GSE1: variants seen among roughly 807,000 people sequenced by gnomAD.
The protein encoded by GSE1 is Gse1 coiled-coil protein.
GSE1 carries 32 observed loss-of-function variants against 112.6 expected under a neutral mutation model. The ratio of observed to expected loss-of-function variants is 0.28; its 90% CI spans 0.21 to 0.38. The LOEUF (loss-of-function observed/expected upper bound fraction) is 0.38. Among genes scored for constraint, GSE1 ranks in the 10% least tolerant of loss-of-function variants. The pLI, the probability that GSE1 is intolerant of heterozygous loss-of-function variation, is 1.00. For missense variants in GSE1, 2,348 were observed against 1,699.2 expected (o/e 1.38, Z -6.71); for synonymous variants, 1,115 against 735.6 (o/e 1.52, Z -8.35).
At chr16:85,601,572 G>A (rs969505478) in intron 1 of GSE1, among the ~76,000 whole-genome samples, 6 of 152,176 alleles carry the variant, frequency 3.9e-5, no homozygotes, top group Non-Finnish European at 7.4e-5. Flanking sequence ...CTTCAGCGCG[G>A]GGCCGGCAGA....
At chr16:85,182,714 T>C (rs529491310) in intron 1 of GSE1, among the ~76,000 whole-genome samples, 15 of 152,166 alleles carry the variant, frequency 9.9e-5, no homozygotes, top group African/African-American at 3.4e-4. Flanking sequence ...GCAGTGCAGG[T>C]CTTCAGGGAG....
intron 1 of GSE1, among the ~76,000 whole-genome samples, chr16:85,302,299 GAGATCAGCCACGAT>G (rs1202700267): frequency 6.6e-6 from 1 of 152,186 alleles, no homozygotes; most frequent in African/African-American, 2.4e-5. Context: ...CATCCTGACA[GAGATCAGCCACGAT>G]TTATCCCACC....
At chr16:85,192,432 T>TA (rs1200146829) in intron 1 of GSE1, among the ~76,000 whole-genome samples, 6 of 152,230 alleles carry the variant, frequency 3.9e-5, no homozygotes, top group Non-Finnish European at 7.3e-5. Flanking sequence ...CAAGCATTGT[T>TA]ATATGGCCTC....
intron 1 of GSE1, among the ~76,000 whole-genome samples, chr16:85,246,786 C>T (rs1005310202): frequency 2.6e-5 from 4 of 152,020 alleles, no homozygotes; most frequent in Non-Finnish European, 5.9e-5. Flanking sequence ...GGGGGAGCCT[C>T]CCCCCTGGAT....
chr16:85,331,701 A>ATTTT (rs1567693513), intron 1 of GSE1, among the ~76,000 whole-genome samples: 1 of 74,126 alleles, frequency 1.3e-5, no homozygotes, highest in Non-Finnish European at 2.6e-5. Context: ...ATATATATAT[A>ATTTT]TATATATTTT....
Position 85,655,790 on chromosome 16 carries a change from T to A in GSE1, c.862T>A (p.Ser288Thr). 17 of 1,521,722 alleles carry A rather than the reference T, an allele frequency of 1.1e-5. No homozygotes were observed. The highest frequency in any genetic ancestry group is 2.2e-5 in the South Asian group (2 of 89,226). The allele number at this position is 1,521,722 out of a possible 1,614,324, so 94.3% of individuals were successfully genotyped here. A position where few individuals can be genotyped will look rare whatever the true frequency, so the allele number is the denominator to read the frequency against. Reference protein sequence around the residue: ...SPFYPIPTPGSLPPLHPSAMH... With the variant: ...SPFYPIPTPGTLPPLHPSAMH... ...GTTCTACCCCATCCCCACCCCCGGC[T>A]CCCTGCCCCCACTGCACCCATCAGC... Residue 288 changes from serine (S) to threonine (T), a missense_variant, in exon 6 of 16, where the codon TCC (serine) becomes ACC (threonine). Physicochemically the swap from Ser to Thr is moderately conservative, Grantham distance 58 (BLOSUM62 1). Coordinates refer to ENST00000253458, the MANE Select transcript of GSE1 (RefSeq NM_014615.5).
intron 2 of GSE1, among the ~76,000 whole-genome samples, chr16:85,390,424 GGGCA>G (rs2047811287): frequency 6.6e-6 from 1 of 152,082 alleles, no homozygotes; most frequent in Admixed American, 6.5e-5. Flanking sequence ...TGCCTGGCCG[GGGCA>G]GCTAGTCCCC....
chr16:85,604,336 C>T (rs1271117183), intron 1 of GSE1, among the ~76,000 whole-genome samples: 1 of 152,116 alleles, frequency 6.6e-6, no homozygotes, highest in East Asian at 1.9e-4. Context: ...GGATTAGCAC[C>T]TCAGTCCTTT....
At chr16:85,619,468 TGA>T (rs2048590967) in intron 1 of GSE1, among the ~76,000 whole-genome samples, 1 of 152,110 alleles carries the variant, frequency 6.6e-6, no homozygotes, top group African/African-American at 2.4e-5. Flanking sequence ...AGGCTAACCC[TGA>T]GTCTTATCTT....
At chr16:85,536,996 G>A (rs1413383118) in intron 2 of GSE1, among the ~76,000 whole-genome samples, 1 of 152,182 alleles carries the variant, frequency 6.6e-6, no homozygotes, top group African/African-American at 2.4e-5. Flanking sequence ...CTTCCGGCCA[G>A]CAGGCCCCAC....
chr16:85,638,885 G>T (rs1027464990), intron 2 of GSE1, among the ~76,000 whole-genome samples: 1 of 152,124 alleles, frequency 6.6e-6, no homozygotes, highest in Non-Finnish European at 1.5e-5. Context: ...ATGGCTCTGG[G>T]CCGGGAGCCT....
At chr16:85,458,305 C>G (rs891576163) in intron 2 of GSE1, among the ~76,000 whole-genome samples, 1 of 152,260 alleles carries the variant, frequency 6.6e-6, no homozygotes, top group Non-Finnish European at 1.5e-5. Context: ...CCCAAGGACA[C>G]AGCTGAGGTA....
intron 1 of GSE1, among the ~76,000 whole-genome samples, chr16:85,173,816 G>T (rs2074407086): frequency 6.6e-6 from 1 of 152,208 alleles, no homozygotes; most frequent in African/African-American, 2.4e-5. Flanking sequence ...GTGTGGACGG[G>T]AACGCAGGCT....
At chr16:85,438,247 C>T (rs1466266028) in intron 2 of GSE1, among the ~76,000 whole-genome samples, 1 of 152,190 alleles carries the variant, frequency 6.6e-6, no homozygotes, top group African/African-American at 2.4e-5. Flanking sequence ...ACTTGATACT[C>T]CAGATGCTGG....
chr16:85,238,785 C>T (rs1904932521), intron 1 of GSE1, among the ~76,000 whole-genome samples: 1 of 152,208 alleles, frequency 6.6e-6, no homozygotes, highest in Admixed American at 6.5e-5. Context: ...CTTTCCACTG[C>T]CACCAAGCTA....
At chr16:85,428,920 C>T (rs772543564) in intron 2 of GSE1, among the ~76,000 whole-genome samples, 2 of 152,176 alleles carry the variant, frequency 1.3e-5, no homozygotes, top group African/African-American at 4.8e-5. Flanking sequence ...CTGTGGCCAC[C>T]GTCCTGGGCA....
At chr16:85,241,377 C>G (rs547773426) in intron 1 of GSE1, among the ~76,000 whole-genome samples, 1 of 152,366 alleles carries the variant, frequency 6.6e-6, no homozygotes, top group Admixed American at 6.5e-5. Flanking sequence ...CCCAGGCCCT[C>G]TCTGTCTCTG....
At chr16:85,217,134 G>T (rs185858792) in intron 1 of GSE1, among the ~76,000 whole-genome samples, 1 of 152,244 alleles carries the variant, frequency 6.6e-6, no homozygotes, top group East Asian at 1.9e-4. Context: ...TATGGAGCGT[G>T]GGGGTGATGA....
intron 2 of GSE1, among the ~76,000 whole-genome samples, chr16:85,645,323 G>A (rs965458191): frequency 6.6e-6 from 1 of 152,088 alleles, no homozygotes; most frequent in African/African-American, 2.4e-5. Context: ...GGGGTTGCTG[G>A]GGAGAATGTG....
Sources: gnomAD v4.1 joint callset for allele counts (sites outside exome capture counted in the v4.1 genomes callset) on GRCh38, gnomAD v4.1.1 for gene constraint, MANE v1.5 for transcripts, NCBI Gene and HGNC (gene_info 2026-07-23, HGNC 2026-07-21) for gene names.